The following TMEM238 variants were observed in gnomAD, a reference collection of about 807,000 sequenced individuals.
TMEM238 encodes transmembrane protein 238.
For missense variants in TMEM238, 169 were observed against 206.8 expected, an observed-to-expected ratio of 0.82 and a Z score of 1.12; for synonymous variants, 103 against 111.5, an observed-to-expected ratio of 0.92 and a Z score of 0.48.
At chr19:55,380,967 A>T (rs1569036955) in intron 1 of TMEM238, among the ~76,000 whole-genome samples, 1 of 152,196 alleles carries the variant, frequency 6.6e-6, no homozygotes, top group Non-Finnish European at 1.5e-5. Context: ...GCCAAGCTTC[A>T]TGTTAGCTTA....
At chr19:55,381,959 AC>A (rs2089888587) in intron 1 of TMEM238, among the ~76,000 whole-genome samples, 1 of 151,840 alleles carries the variant, frequency 6.6e-6, no homozygotes, top group African/African-American at 2.4e-5. Flanking sequence ...CCATTAAACA[AC>A]CCATCCATCC....
intron 1 of TMEM238, among the ~76,000 whole-genome samples, chr19:55,381,418 C>CAAAAAA (rs56902543): frequency 1.5e-4 from 8 of 53,494 alleles, no homozygotes; most frequent in East Asian, 7.3e-4. Context: ...AACTCCATCT[C>CAAAAAA]AAAAAAAAAA....
intron 1 of TMEM238, among the ~76,000 whole-genome samples, chr19:55,382,969 C>T (rs573745158): frequency 9.4e-4 from 143 of 152,332 alleles, no homozygotes; most frequent in African/African-American, 3.3e-3. Flanking sequence ...CCTCCACCTA[C>T]GTGTTGTGTG....
At position 55,379,359 on chromosome 19, in the gene TMEM238, AG is replaced by A. The variant is rs1047718865; in HGVS notation, c.*15del. On this transcript the variant is annotated 3_prime_UTR_variant, in exon 2 of 2. Coordinates refer to ENST00000444469, the MANE Select transcript of TMEM238 (RefSeq NM_001190764.2). Reference sequence around the variant, plus strand: ...AGTCTGGTCCTGACAGCTGGAGCCAAGGGGTTGTCTGCAGGAGGGAGGGTGG... The same window carrying A: ...AGTCTGGTCCTGACAGCTGGAGCCAAGGGTTGTCTGCAGGAGGGAGGGTGG... 1 of 152,206 alleles carries A rather than the reference AG, an allele frequency of 6.6e-6. No homozygotes were observed. The highest frequency in any genetic ancestry group is 2.4e-5 in the African/African-American group (1 of 41,440). 9.4% of individuals were successfully genotyped at this position (152,206 alleles called of 1,614,324 possible). A position where few individuals can be genotyped will look rare whatever the true frequency, so the allele number is the denominator to read the frequency against.
Position 55,384,270 on chromosome 19 carries a change from C to G in TMEM238, c.-11G>C. On this transcript the variant is annotated 5_prime_UTR_variant, in exon 1 of 2. Coordinates refer to ENST00000444469, the MANE Select transcript of TMEM238 (RefSeq NM_001190764.2). This position sits in a 1 kb window ranked among gnomAD's most constrained non-coding sequence, Gnocchi z 5.6. ...TGGCGCCGCCGCCATGGCCCTGCACCGCCGCCGCTGGCGCCCAGAGAGAGC... is the reference window on the plus strand; with the variant it reads ...TGGCGCCGCCGCCATGGCCCTGCACGGCCGCCGCTGGCGCCCAGAGAGAGC... 1 of 1,080,332 alleles carries G rather than the reference C, an allele frequency of 9.3e-7. No individual in the cohort carries two copies. Among genetic ancestry groups the G allele is most frequent in the Middle Eastern group, 4.2e-4 (1 of 2,378 alleles). 66.9% of individuals were successfully genotyped at this position (1,080,332 alleles called of 1,614,324 possible).
chr19:55,383,487 A>G lies in TMEM238; in HGVS notation c.*7+235T>C, dbSNP rs2089893978. 3.9e-5 allele frequency among the ~76,000 whole-genome samples: 6 copies of G among 152,070 alleles called. No individual in the cohort carries two copies. Among genetic ancestry groups the G allele is most frequent in the Admixed American group, 3.9e-4 (6 of 15,272 alleles). Reference sequence around the variant, plus strand: ...GGCCTAACTGTGTGACTCGACCCCCACACTTCCCATCTCCAGGGGCAGGGT... The same window carrying G: ...GGCCTAACTGTGTGACTCGACCCCCGCACTTCCCATCTCCAGGGGCAGGGT... On this transcript the variant is annotated intron_variant, in intron 1 of 1. Coordinates refer to ENST00000444469, the MANE Select transcript of TMEM238 (RefSeq NM_001190764.2). This position sits in a 1 kb window ranked among gnomAD's most constrained non-coding sequence, Gnocchi z 4.9.
chr19:55,380,980 C>T (rs564505503), intron 1 of TMEM238, among the ~76,000 whole-genome samples: 2 of 152,312 alleles, frequency 1.3e-5, no homozygotes, highest in Non-Finnish European at 2.9e-5. Flanking sequence ...TTAGCTTACG[C>T]TTCACCCGTG....
intron 1 of TMEM238, among the ~76,000 whole-genome samples, chr19:55,380,534 C>G (rs958551852): frequency 6.7e-6 from 1 of 148,990 alleles, no homozygotes; most frequent in Non-Finnish European, 1.5e-5. Context: ...AAGTGATTCT[C>G]CTGCCTCAGC....
At chr19:55,380,396 C>T (rs1306425981) in intron 1 of TMEM238, among the ~76,000 whole-genome samples, 1 of 56,960 alleles carries the variant, frequency 1.8e-5, no homozygotes, top group African/African-American at 7.2e-5. Flanking sequence ...TCCCCCTTCC[C>T]CCCTCCTCCC....
At chr19:55,381,483 G>C (rs577988676) in intron 1 of TMEM238, among the ~76,000 whole-genome samples, 136 of 151,422 alleles carry the variant, frequency 9.0e-4, no homozygotes, top group African/African-American at 3.2e-3. Flanking sequence ...AGGATAATAG[G>C]GTTTAATTCT....
chr19:55,380,977 ACGCTTCACC>A (rs1338086973), intron 1 of TMEM238, among the ~76,000 whole-genome samples: 3 of 152,228 alleles, frequency 2.0e-5, no homozygotes, highest in Admixed American at 6.5e-5. Context: ...ATGTTAGCTT[ACGCTTCACC>A]CGTGCAAGCA....
chr19:55,381,367 G>A (rs1034473438), intron 1 of TMEM238, among the ~76,000 whole-genome samples: 5 of 132,924 alleles, frequency 3.8e-5, no homozygotes, highest in Admixed American at 1.7e-4. Flanking sequence ...GCAGTGAGCC[G>A]AGATTGCGCC....
In TMEM238 at chr19:55,383,840, C is replaced by G. The variant is rs2123265341; in HGVS notation, c.420G>C (p.Ala140=). 1.3e-6 allele frequency: 1 copy of G among 763,460 alleles called. No homozygotes were observed. The highest frequency in any genetic ancestry group is 5.8e-5 in the South Asian group (1 of 17,302). The allele number at this position is 763,460 out of a possible 1,614,324, so 47.3% of individuals were successfully genotyped here. A position where few individuals can be genotyped will look rare whatever the true frequency, so the allele number is the denominator to read the frequency against. ...GCGGGGGCGCGCGGGCGGCTCGGCGCGCTCTCCGGGAGCCGGGCGCGGGGC... is the reference window on the plus strand; with the variant it reads ...GCGGGGGCGCGCGGGCGGCTCGGCGGGCTCTCCGGGAGCCGGGCGCGGGGC... ...GQRPAPGSRR[A]RRAARAPPPP... The change falls in exon 1 of 2, where the codon GCG becomes GCC. Residue 140 remains alanine (A), a synonymous_variant. Transcript: ENST00000444469. This position sits in a 1 kb window ranked among gnomAD's most constrained non-coding sequence, Gnocchi z 4.9.
At chr19:55,380,516 C>A (rs1033149643) in intron 1 of TMEM238, among the ~76,000 whole-genome samples, 1 of 148,650 alleles carries the variant, frequency 6.7e-6, no homozygotes, top group Non-Finnish European at 1.5e-5. Context: ...CCTCCGCCTC[C>A]CAGATTCAAG....
intron 1 of TMEM238, among the ~76,000 whole-genome samples, chr19:55,379,579 A>G (rs114088004): frequency 0.017 from 2,609 of 152,262 alleles, 82 homozygotes; most frequent in African/African-American, 0.058. Flanking sequence ...ATCCAAGGGT[A>G]GAGGCCAGGG....
At chr19:55,382,009 A>G (rs2089888785) in intron 1 of TMEM238, among the ~76,000 whole-genome samples, 1 of 151,968 alleles carries the variant, frequency 6.6e-6, no homozygotes, top group African/African-American at 2.4e-5. Flanking sequence ...CAACCCATGT[A>G]TTCACCCATC....
At chr19:55,380,882 C>T (rs973368021) in intron 1 of TMEM238, among the ~76,000 whole-genome samples, 10 of 151,900 alleles carry the variant, frequency 6.6e-5, no homozygotes, top group Admixed American at 2.6e-4. Context: ...GCTGGGATTA[C>T]AGGCATGAGC....
intron 1 of TMEM238, among the ~76,000 whole-genome samples, chr19:55,380,109 T>C (rs995165103): frequency 3.3e-5 from 5 of 151,692 alleles, no homozygotes; most frequent in African/African-American, 1.2e-4. Flanking sequence ...AGCTGCTCAC[T>C]CTCCCCAGTA....
In TMEM238 at chr19:55,383,419, G is replaced by A. The variant is rs2089893577; in HGVS notation, c.*7+303C>T. Among the ~76,000 whole-genome samples the A allele has an allele frequency of 6.6e-6, 1 of 152,116 alleles. No individual in the cohort carries two copies. ...AACAAAACAAAACAAAACAAAAAAT[G>A]GGGCCTGGTGTACCTGGAAGCTGGG... is the stretch of plus-strand genomic sequence containing the variant. On this transcript the variant is annotated intron_variant, in intron 1 of 1. Transcript: ENST00000444469. The surrounding 1 kb of genome is among the most constrained non-coding windows in gnomAD (Gnocchi z 4.9).
Sources: allele counts gnomAD v4.1 joint callset (sites outside exome capture counted in the v4.1 genomes callset), GRCh38; gene constraint gnomAD v4.1.1; non-coding constraint Gnocchi (gnomAD v3.1); transcripts MANE v1.5; gene names NCBI Gene and HGNC (gene_info 2026-07-23, HGNC 2026-07-21).